The following ANOS1 variants were observed in gnomAD, a reference collection of about 807,000 sequenced individuals.
The protein encoded by ANOS1 is anosmin 1, also known as anosmin-1.
Under a neutral mutation model 59.0 loss-of-function variants are expected in ANOS1, and 6 were observed. That is an observed-to-expected ratio of 0.10 (90% confidence interval 0.06 to 0.20). ANOS1 has a LOEUF of 0.20. Among genes scored for constraint, ANOS1 ranks in the 10% least tolerant of loss-of-function variants. The pLI is 1.00. For synonymous variants in ANOS1, 217 were observed against 223.4 expected, an observed-to-expected ratio of 0.97 and a Z score of 0.25; for missense variants, 433 against 542.3, an observed-to-expected ratio of 0.80 and a Z score of 2.00.
At chrX:8,722,602 CACAT>C (rs1299794177) in intron 1 of ANOS1, among the ~76,000 whole-genome samples, 4 of 111,909 alleles carry the variant, frequency 3.6e-5, no homozygotes, top group African/African-American at 9.7e-5. Flanking sequence ...CACACACACA[CACAT>C]ACACACCACA....
At chrX:8,731,380 C>T (rs1932975377) in intron 1 of ANOS1, among the ~76,000 whole-genome samples, 1 of 111,818 alleles carries the variant, frequency 8.9e-6, no homozygotes, top group Non-Finnish European at 1.9e-5. Context: ...CGGGCACCTG[C>T]GGGGCTGGGG....
At chrX:8,598,565 C>G (rs1930783990) in intron 3 of ANOS1, among the ~76,000 whole-genome samples, 1 of 110,862 alleles carries the variant, frequency 9.0e-6, no homozygotes. Flanking sequence ...GCCAAGACAG[C>G]CCCACCAGCC....
intron 6 of ANOS1, among the ~76,000 whole-genome samples, chrX:8,580,055 C>A (rs964834791): frequency 1.8e-5 from 2 of 111,934 alleles, no homozygotes; most frequent in African/African-American, 6.5e-5. Flanking sequence ...TTCAAAGCAG[C>A]AAATATCAAC....
chrX:8,708,007 C>T (rs1015745965), intron 1 of ANOS1, among the ~76,000 whole-genome samples: 2 of 112,027 alleles, frequency 1.8e-5, no homozygotes, highest in Non-Finnish European at 1.9e-5. Context: ...GGGTGGACCA[C>T]GAGGTCAGTA....
chrX:8,664,554 G>C (rs189914811), intron 2 of ANOS1, among the ~76,000 whole-genome samples: 26 of 109,891 alleles, frequency 2.4e-4, no homozygotes, highest in African/African-American at 8.3e-4. Context: ...AGAAATTCCA[G>C]CCACTACAAA....
intron 3 of ANOS1, among the ~76,000 whole-genome samples, chrX:8,611,318 G>A (rs868180267): frequency 3.0e-5 from 3 of 100,232 alleles, no homozygotes; most frequent in Non-Finnish European, 4.0e-5. Flanking sequence ...TGACCAAAAG[G>A]AAAAAAAAAA....
At chrX:8,591,751 A>G (rs2146822693) in intron 4 of ANOS1, among the ~76,000 whole-genome samples, 2 of 112,506 alleles carry the variant, frequency 1.8e-5, no homozygotes, top group African/African-American at 6.4e-5. Context: ...ACCCCCCTCA[A>G]GACCTCCAGC....
intron 2 of ANOS1, among the ~76,000 whole-genome samples, chrX:8,652,826 G>A (rs1041938621): frequency 9.0e-6 from 1 of 110,724 alleles, no homozygotes; most frequent in African/African-American, 3.3e-5. Context: ...ACCAGTCTTT[G>A]TGCTTACTTA....
chrX:8,548,170 C>T (rs764939511), intron 9 of ANOS1, among the ~76,000 whole-genome samples: 1 of 112,081 alleles, frequency 8.9e-6, no homozygotes, highest in African/African-American at 3.2e-5. Flanking sequence ...CCTTTCTTCC[C>T]GTTCTTTTTT....
In ANOS1 at chrX:8,725,523, TATATATATATACAG is replaced by T. The variant is rs1422103930; in HGVS notation, c.207+6293_207+6306del. 4.5e-4 allele frequency among the ~76,000 whole-genome samples: 32 copies of T among 70,382 alleles called. 2 individuals are homozygous for T. Among genetic ancestry groups the T allele is most frequent in the South Asian group, 8.3e-4 (1 of 1,201 alleles). 61.1% of individuals were successfully genotyped at this position (70,382 alleles called of 115,157 possible). A position where few individuals can be genotyped will look rare whatever the true frequency, so the allele number is the denominator to read the frequency against. On this transcript the variant is annotated intron_variant, in intron 1 of 13. Transcript: ENST00000262648. ...GGATAAATAATATTATATACAGATA[TATATATATATACAG>T]ATATATATATACAGATATATATATA...
intron 8 of ANOS1, among the ~76,000 whole-genome samples, chrX:8,561,466 A>ATTTTTTTTT (rs34119310): frequency 1.1e-3 from 71 of 66,961 alleles, no homozygotes; most frequent in Middle Eastern, 8.5e-3. Flanking sequence ...TGCCCGGCTA[A>ATTTTTTTTT]TTTTTTTTTT....
intron 2 of ANOS1, among the ~76,000 whole-genome samples, chrX:8,670,377 G>T (rs1055421825): frequency 1.8e-5 from 2 of 111,316 alleles, no homozygotes. Flanking sequence ...GATGGATGCA[G>T]CCGAGAGTTG....
chrX:8,724,535 G>C (rs922075078), intron 1 of ANOS1, among the ~76,000 whole-genome samples: 2 of 112,438 alleles, frequency 1.8e-5, no homozygotes, highest in Admixed American at 9.4e-5. Flanking sequence ...CCTGAGCAGA[G>C]AGCCAATCGC....
chrX:8,568,944 C>T lies in ANOS1; in HGVS notation c.1063-568G>A, dbSNP rs4830592. 2.7e-5 allele frequency among the ~76,000 whole-genome samples: 3 copies of T among 111,760 alleles called. No individual in the cohort carries two copies. In the Admixed American group the frequency reaches 2.8e-4, roughly 11 times the overall value. ...ATGGAAATAAATCATTCTGAGCCCT[C>T]GCCACTCTGAGACACCACCTCTCGA... On this transcript the variant is annotated intron_variant, in intron 7 of 13. Transcript: ENST00000262648.
At chrX:8,626,966 A>G (rs1931407194) in intron 2 of ANOS1, among the ~76,000 whole-genome samples, 1 of 111,976 alleles carries the variant, frequency 8.9e-6, no homozygotes, top group Admixed American at 9.5e-5. Context: ...TTGTCCTCAA[A>G]GCTCTTGTTA....
chrX:8,727,827 C>T (rs1214858612), intron 1 of ANOS1, among the ~76,000 whole-genome samples: 1 of 112,073 alleles, frequency 8.9e-6, no homozygotes, highest in Non-Finnish European at 1.9e-5. Flanking sequence ...TTCAGGGCTC[C>T]CTCCAGGAAT....
chrX:8,581,258 T>C (rs764503560), intron 6 of ANOS1, among the ~76,000 whole-genome samples: 1 of 111,387 alleles, frequency 9.0e-6, no homozygotes, highest in South Asian at 3.8e-4. Context: ...TCATGAGATC[T>C]GATGGGTTTA....
At chrX:8,554,865 T>C (rs1929924347) in intron 8 of ANOS1, among the ~76,000 whole-genome samples, 1 of 110,462 alleles carries the variant, frequency 9.1e-6, no homozygotes, top group Non-Finnish European at 1.9e-5. Context: ...AACTCAGCTC[T>C]GGACCAAGTG....
At chrX:8,651,736 T>C (rs1381877344) in intron 2 of ANOS1, among the ~76,000 whole-genome samples, 1 of 112,147 alleles carries the variant, frequency 8.9e-6, no homozygotes, top group African/African-American at 3.2e-5. Flanking sequence ...CCACGTGGAA[T>C]AAACTCCTGT....
Sources: gnomAD v4.1 joint callset for allele counts (sites outside exome capture counted in the v4.1 genomes callset) on GRCh38, gnomAD v4.1.1 for gene constraint, MANE v1.5 for transcripts, NCBI Gene and HGNC (gene_info 2026-07-23, HGNC 2026-07-21) for gene names.